DIS3L2: variants seen among roughly 807,000 people sequenced by gnomAD.
The protein encoded by DIS3L2 is DIS3-like exonuclease 2.
DIS3L2 carries 34 observed loss-of-function variants against 97.5 expected under a neutral mutation model. That is an observed-to-expected ratio of 0.35 (90% CI 0.27 to 0.46). DIS3L2 has a LOEUF of 0.46. DIS3L2 is among the 20% of genes least tolerant of loss of function. DIS3L2 has a pLI of 1.00. For missense variants in DIS3L2, 1,038 were observed against 1,146.0 expected (o/e 0.91, Z 1.36); for synonymous variants, 435 against 445.2 (o/e 0.98, Z 0.29).
intron 7 of DIS3L2, chr2:232,131,758 T>G (rs1388218823): frequency 2.0e-5 from 3 of 152,014 alleles, no homozygotes; most frequent in Non-Finnish European, 2.9e-5. Context: ...AGAGTATTGC[T>G]CTTGCATACT....
At chr2:232,247,617 G>GGT (rs1693290640) in intron 11 of DIS3L2, among the ~76,000 whole-genome samples, 1 of 28,904 alleles carries the variant, frequency 3.5e-5, no homozygotes, top group Non-Finnish European at 8.5e-5. Context: ...TAACTGCCGC[G>GGT]GGGGGGGGGG....
At chr2:232,274,281 GTAATTATACTCA>G (rs1362578101) in intron 13 of DIS3L2, among the ~76,000 whole-genome samples, 5 of 152,068 alleles carry the variant, frequency 3.3e-5, no homozygotes, top group Non-Finnish European at 4.4e-5. Context: ...TGGCTTTTGG[GTAATTATACTCA>G]TAATTAGGCA....
At chr2:232,090,951 A>G (rs1696818580) in intron 6 of DIS3L2, among the ~76,000 whole-genome samples, 1 of 152,244 alleles carries the variant, frequency 6.6e-6, no homozygotes, top group African/African-American at 2.4e-5. Flanking sequence ...TAAGAGAAAC[A>G]TCTCAGCATC....
chr2:232,013,091 T>C (rs1694254332), intron 1 of DIS3L2, among the ~76,000 whole-genome samples: 1 of 152,202 alleles, frequency 6.6e-6, no homozygotes. Flanking sequence ...CTTCCAGACA[T>C]GCCTCGTTGC....
chr2:232,337,966 G>A (rs368016699), downstream of DIS3L2, among the ~76,000 whole-genome samples: 2 of 150,518 alleles, frequency 1.3e-5, no homozygotes, highest in Non-Finnish European at 2.9e-5. Flanking sequence ...CCACCCCCGA[G>A]ATGTCCCAGA....
chr2:231,990,735 G>GT (rs953547421), intron 1 of DIS3L2, among the ~76,000 whole-genome samples: 12 of 152,134 alleles, frequency 7.9e-5, no homozygotes, highest in Non-Finnish European at 1.5e-4. Context: ...TGGTACTTCA[G>GT]TGGCATTAAG....
intron 5 of DIS3L2, among the ~76,000 whole-genome samples, chr2:232,075,030 G>C (rs962291162): frequency 1.3e-5 from 2 of 152,210 alleles, no homozygotes; most frequent in African/African-American, 4.8e-5. Context: ...GCCAACAAAA[G>C]GTTCAGAGGC....
At chr2:232,267,488 T>C (rs1163053529) in intron 13 of DIS3L2, among the ~76,000 whole-genome samples, 1 of 152,254 alleles carries the variant, frequency 6.6e-6, no homozygotes, top group East Asian at 1.9e-4. Context: ...CTCCATGTTT[T>C]CTGCTGCTAA....
chr2:232,019,720 C>T (rs1257598816), intron 3 of DIS3L2, among the ~76,000 whole-genome samples: 2 of 151,982 alleles, frequency 1.3e-5, no homozygotes, highest in African/African-American at 4.8e-5. Flanking sequence ...AACTTTAGCT[C>T]TGCAGGCATT....
At chr2:231,991,668 A>C (rs1199462899) in intron 1 of DIS3L2, among the ~76,000 whole-genome samples, 2 of 152,208 alleles carry the variant, frequency 1.3e-5, no homozygotes, top group Non-Finnish European at 2.9e-5. Flanking sequence ...GTATATTGCC[A>C]AACTGTGCCT....
intron 13 of DIS3L2, among the ~76,000 whole-genome samples, chr2:232,278,516 CTTT>C (rs1694204110): frequency 6.6e-6 from 1 of 152,116 alleles, no homozygotes; most frequent in Non-Finnish European, 1.5e-5. Context: ...TGTTTTGCCT[CTTT>C]ATAGTTTTGC....
intron 1 of DIS3L2, among the ~76,000 whole-genome samples, chr2:231,997,151 A>G (rs1421920543): frequency 5.3e-5 from 8 of 152,242 alleles, no homozygotes; most frequent in Non-Finnish European, 1.0e-4. Flanking sequence ...AGGTTTAGAA[A>G]CAAGTCAGCT....
chr2:232,245,434 G>A (rs1198275591), intron 11 of DIS3L2, among the ~76,000 whole-genome samples: 1 of 152,218 alleles, frequency 6.6e-6, no homozygotes, highest in African/African-American at 2.4e-5. Context: ...CATTCACAGT[G>A]ACCCTGGCAG....
chr2:232,101,960 A>G (rs1356932143), intron 6 of DIS3L2, among the ~76,000 whole-genome samples: 1 of 152,250 alleles, frequency 6.6e-6, no homozygotes, highest in Non-Finnish European at 1.5e-5. Flanking sequence ...ATCATGCCAC[A>G]GTTGACTTAC....
At chr2:232,320,320 C>T (rs779564830) in intron 14 of DIS3L2, among the ~76,000 whole-genome samples, 1 of 152,048 alleles carries the variant, frequency 6.6e-6, no homozygotes, top group African/African-American at 2.4e-5. Context: ...ATAAGACGAG[C>T]GTTAGTTCAG....
At chr2:232,093,977 C>CT (rs925293011) in intron 6 of DIS3L2, among the ~76,000 whole-genome samples, 10 of 151,258 alleles carry the variant, frequency 6.6e-5, no homozygotes, top group Non-Finnish European at 1.2e-4. Context: ...TCTTCTTTTT[C>CT]TTTTTTTTGA....
intron 1 of DIS3L2, among the ~76,000 whole-genome samples, chr2:231,997,708 ATAAT>A (rs928699947): frequency 6.6e-6 from 1 of 152,252 alleles, no homozygotes; most frequent in Non-Finnish European, 1.5e-5. Context: ...AATGGTACAA[ATAAT>A]TACTTTGTAT....
In DIS3L2 at chr2:232,031,449, T is replaced by C. The variant is rs577826323; in HGVS notation, c.366+1369T>C. 6.6e-5 allele frequency among the ~76,000 whole-genome samples: 10 copies of C among 152,034 alleles called. No individual in the cohort carries two copies. In the South Asian group the frequency reaches 1.7e-3, roughly 25 times the overall value. On this transcript the variant is annotated intron_variant, in intron 5 of 20. Coordinates refer to ENST00000325385, the MANE Select transcript of DIS3L2 (RefSeq NM_152383.5). ...AAAAGACAGATACTGATCACACTTA[T>C]ACAAATTTAAGTGTAATTTTTATTA... is the stretch of plus-strand genomic sequence containing the variant.
intron 9 of DIS3L2, among the ~76,000 whole-genome samples, chr2:232,205,915 C>G (rs1432927406): frequency 6.6e-6 from 1 of 152,148 alleles, no homozygotes; most frequent in Non-Finnish European, 1.5e-5. Context: ...CAACTTCCCC[C>G]ATAAGTGTAC....
Sources: allele counts gnomAD v4.1 joint callset (sites outside exome capture counted in the v4.1 genomes callset), GRCh38; gene constraint gnomAD v4.1.1; transcripts MANE v1.5; gene names NCBI Gene and HGNC (gene_info 2026-07-23, HGNC 2026-07-21).